Variants in RALGAPA1 observed in about 807,000 individuals in gnomAD.
The protein encoded by RALGAPA1 is Ral GTPase activating protein catalytic subunit alpha 1.
A neutral mutation model predicts 269.6 loss-of-function variants in RALGAPA1; 52 were observed. The observed-to-expected ratio is 0.19, with a 90% CI of 0.15 to 0.24. The LOEUF (loss-of-function observed/expected upper bound fraction) is 0.24, where lower values mean the gene tolerates loss of function less well. Among genes scored for constraint, RALGAPA1 ranks in the 10% least tolerant of loss-of-function variants. RALGAPA1 has a pLI of 1.00. For synonymous variants in RALGAPA1, 817 were observed against 1,008.3 expected (o/e 0.81, Z 3.60); for missense variants, 1,917 against 3,013.9 (o/e 0.64, Z 8.52).
At chr14:35,549,642 G>C (rs1290667256) in intron 39 of RALGAPA1, among the ~76,000 whole-genome samples, 1 of 152,130 alleles carries the variant, frequency 6.6e-6, no homozygotes, top group Admixed American at 6.5e-5. Context: ...AGCCACGCAA[G>C]AAACATTGTA....
At chr14:35,621,123 T>A (rs1038198596) in intron 35 of RALGAPA1, among the ~76,000 whole-genome samples, 1 of 152,170 alleles carries the variant, frequency 6.6e-6, no homozygotes, top group Non-Finnish European at 1.5e-5. Flanking sequence ...ACTACAAGGC[T>A]ACAGTAACCA....
chr14:35,602,298 A>G (rs2139139018), intron 36 of RALGAPA1, among the ~76,000 whole-genome samples: 1 of 152,300 alleles, frequency 6.6e-6, no homozygotes, highest in South Asian at 2.1e-4. Context: ...TTTTGCATGG[A>G]CATATGCTTT....
intron 31 of RALGAPA1, among the ~76,000 whole-genome samples, chr14:35,638,973 T>C (rs1198061313): frequency 1.3e-5 from 2 of 151,186 alleles, no homozygotes; most frequent in African/African-American, 2.4e-5. Context: ...AACCACTGAA[T>C]GTAAATAGAC....
intron 31 of RALGAPA1, among the ~76,000 whole-genome samples, chr14:35,637,469 A>C (rs10133920): frequency 0.12 from 17,605 of 152,182 alleles, 1,104 homozygotes; most frequent in South Asian, 0.14. Flanking sequence ...AGAACGGATA[A>C]TGCAGAAAAA....
At chr14:35,693,184 T>C (rs1411708664) in intron 17 of RALGAPA1, among the ~76,000 whole-genome samples, 1 of 151,662 alleles carries the variant, frequency 6.6e-6, no homozygotes, top group African/African-American at 2.4e-5. Context: ...ATTGTATTAT[T>C]AAAAAACCAT....
intron 39 of RALGAPA1, among the ~76,000 whole-genome samples, chr14:35,561,261 C>T (rs1168289415): frequency 1.7e-5 from 2 of 118,414 alleles, no homozygotes; most frequent in African/African-American, 6.0e-5. Context: ...AATACAGTAA[C>T]ATCATCAACA....
intron 3 of RALGAPA1, 93 bp downstream of exon 3, chr14:35,774,913 T>C: frequency 1.3e-6 from 1 of 775,266 alleles, no homozygotes; most frequent in Non-Finnish European, 2.1e-6. Flanking sequence ...ATTCAGAGTG[T>C]TTCATTACAT....
intron 19 of RALGAPA1, among the ~76,000 whole-genome samples, chr14:35,686,328 C>T (rs2065926684): frequency 6.6e-6 from 1 of 151,726 alleles, no homozygotes; most frequent in Non-Finnish European, 1.5e-5. Flanking sequence ...ATCTTTCACC[C>T]TGGTGAAAAT....
At chr14:35,786,848 A>T (rs1377849711) in intron 1 of RALGAPA1, among the ~76,000 whole-genome samples, 1 of 151,832 alleles carries the variant, frequency 6.6e-6, no homozygotes, top group Non-Finnish European at 1.5e-5. Context: ...GTCTTTTTTC[A>T]AAAAAAATCA....
chr14:35,641,945 A>C (rs1185886328), intron 31 of RALGAPA1, among the ~76,000 whole-genome samples: 1 of 152,154 alleles, frequency 6.6e-6, no homozygotes, highest in Non-Finnish European at 1.5e-5. Context: ...AACAAATTGT[A>C]CATCTACAGT....
intron 1 of RALGAPA1, among the ~76,000 whole-genome samples, chr14:35,778,093 C>T (rs758467751): frequency 1.3e-5 from 2 of 152,102 alleles, no homozygotes; most frequent in African/African-American, 4.8e-5. Context: ...CAGGGTCTCA[C>T]TCTATCACCC....
intron 18 of RALGAPA1, 118 bp from the exon 19 acceptor site, chr14:35,686,784 T>G (rs2065978431): frequency 4.1e-6 from 2 of 486,322 alleles, no homozygotes; most frequent in South Asian, 9.8e-5. Context: ...AAACATGCAT[T>G]TATGAATAAT....
At chr14:35,724,986 T>C in intron 14 of RALGAPA1, 38 bp downstream of exon 14, 1 of 1,510,490 alleles carries the variant, frequency 6.6e-7, no homozygotes, top group Non-Finnish European at 8.9e-7. Flanking sequence ...ACAACCCATA[T>C]CTATCCAGCT....
chr14:35,549,301 G>GGACT, intron 39 of RALGAPA1, 67 bp from the exon 40 acceptor site: 1 of 1,496,026 alleles, frequency 6.7e-7, no homozygotes, highest in Non-Finnish European at 9.1e-7. Flanking sequence ...TTATCAAAAA[G>GGACT]GACTGCTATG....
At chr14:35,747,007 G>C (rs1223985176) in intron 10 of RALGAPA1, among the ~76,000 whole-genome samples, 1 of 151,682 alleles carries the variant, frequency 6.6e-6, no homozygotes, top group East Asian at 1.9e-4. Flanking sequence ...AAAAAAGAAA[G>C]AGAGAAAAAC....
chr14:35,763,394 C>T (rs948555927), intron 4 of RALGAPA1, among the ~76,000 whole-genome samples: 3 of 152,074 alleles, frequency 2.0e-5, no homozygotes, highest in African/African-American at 7.2e-5. Context: ...TTGTTCCTTT[C>T]TTCCCCAGAG....
chr14:35,589,855 A>C (rs1011997319), intron 37 of RALGAPA1, among the ~76,000 whole-genome samples: 2 of 152,156 alleles, frequency 1.3e-5, no homozygotes, highest in African/African-American at 4.8e-5. Flanking sequence ...ATGCACCACT[A>C]TGCCTGGCTA....
At chr14:35,767,950 T>G (rs979045894) in intron 4 of RALGAPA1, among the ~76,000 whole-genome samples, 2 of 152,062 alleles carry the variant, frequency 1.3e-5, no homozygotes, top group Non-Finnish European at 2.9e-5. Flanking sequence ...AATTTTTGTA[T>G]TTTTTTCCTA....
At chr14:35,768,728 G>GTACACAAAAAATAAA (rs1352620210) in intron 4 of RALGAPA1, among the ~76,000 whole-genome samples, 5 of 151,828 alleles carry the variant, frequency 3.3e-5, no homozygotes, top group Admixed American at 2.0e-4. Context: ...AAATAAATAG[G>GTACACAAAAAATAAA]TAGGGCACAG....
Sources: gnomAD v4.1 joint callset for allele counts (sites outside exome capture counted in the v4.1 genomes callset) on GRCh38, gnomAD v4.1.1 for gene constraint, MANE v1.5 for transcripts, NCBI Gene and HGNC (gene_info 2026-07-23, HGNC 2026-07-21) for gene names.